Variants in CELF4 observed in about 807,000 individuals in gnomAD.
CELF4 encodes CUG-BP- and ETR-3-like factor 4.
A neutral mutation model predicts 59.9 loss-of-function variants in CELF4; 18 were observed. The observed-to-expected ratio is 0.30, with a 90% CI of 0.21 to 0.45. The LOEUF (loss-of-function observed/expected upper bound fraction) is 0.45, where lower values mean the gene tolerates loss of function less well. CELF4 is among the 20% of genes least tolerant of loss of function. The pLI is 1.00. For synonymous variants in CELF4, 261 were observed against 267.1 expected (o/e 0.98, Z 0.22); for missense variants, 456 against 689.0 (o/e 0.66, Z 3.79).
chr18:37,427,041 G>GC lies in CELF4; in HGVS notation c.369+58483_369+58484insG, dbSNP rs1454011102. Reference sequence around the variant, plus strand: ...GTGCTGGCAGCAGCAGGGACACGGGGGGGGGGGAAGCTGGGCACCCTGGGT... The same window carrying GC: ...GTGCTGGCAGCAGCAGGGACACGGGGCGGGGGGGAAGCTGGGCACCCTGGGT... On this transcript the variant is annotated intron_variant, in intron 2 of 12. Transcript: ENST00000420428. 6.8e-4 allele frequency among the ~76,000 whole-genome samples: 103 copies of GC among 151,424 alleles called. 1 individual carries two copies. The highest frequency in any genetic ancestry group is 2.1e-3 in the African/African-American group (86 of 41,400).
chr18:37,246,868 T>A lies in CELF4; in HGVS notation c.*45-1671A>T, dbSNP rs1210960057. The A allele has an allele frequency of 6.6e-6, 1 of 152,206 alleles. No homozygotes were observed. Among genetic ancestry groups the A allele is most frequent in the Admixed American group, 6.5e-5 (1 of 15,290 alleles). The allele number at this position is 152,206 out of a possible 1,614,324, so 9.4% of individuals were successfully genotyped here. On this transcript the variant is annotated intron_variant, in intron 12 of 12. Transcript: ENST00000420428. The surrounding 1 kb of genome is among the most constrained non-coding windows in gnomAD (Gnocchi z 5.3). ...CTATTTTTTGTTCTTTTGTTTTGTT[T>A]TTTTCTCTATGTGACATCTAGAGAA... is the stretch of plus-strand genomic sequence containing the variant.
At chr18:37,510,166 G>C (rs1006497873) in intron 1 of CELF4, among the ~76,000 whole-genome samples, 1 of 152,168 alleles carries the variant, frequency 6.6e-6, no homozygotes, top group Non-Finnish European at 1.5e-5. Context: ...GAGAAAAGAA[G>C]AGTAAAGAAA....
chr18:37,294,931 T>C (rs1243916258), intron 3 of CELF4, among the ~76,000 whole-genome samples: 1 of 152,230 alleles, frequency 6.6e-6, no homozygotes, highest in Non-Finnish European at 1.5e-5. Flanking sequence ...ATGCAGAAGG[T>C]AAACTTCTCT....
intron 1 of CELF4, among the ~76,000 whole-genome samples, chr18:37,534,535 C>T (rs912211816): frequency 6.6e-6 from 1 of 152,206 alleles, no homozygotes; most frequent in African/African-American, 2.4e-5. Context: ...CTTTCACTTA[C>T]AGAAACTGAT....
intron 2 of CELF4, 58 bp downstream of exon 2, chr18:37,485,467 C>T (rs1341592568): frequency 3.5e-6 from 4 of 1,139,080 alleles, no homozygotes; most frequent in Admixed American, 4.4e-5. Flanking sequence ...CGCCCGGCCT[C>T]CCGAAGTCGC....
intron 2 of CELF4, among the ~76,000 whole-genome samples, chr18:37,336,775 C>T (rs1474910107): frequency 2.6e-5 from 4 of 152,200 alleles, no homozygotes; most frequent in Admixed American, 6.5e-5. Flanking sequence ...ACGGTGGATG[C>T]GGCGTCTCTC....
intron 1 of CELF4, among the ~76,000 whole-genome samples, chr18:37,516,776 G>A (rs2099951081): frequency 6.6e-6 from 1 of 152,180 alleles, no homozygotes; most frequent in Admixed American, 6.5e-5. Flanking sequence ...CTTGGGCTTG[G>A]AGAGGGTGGC....
chr18:37,391,129 G>T (rs1292793140), intron 2 of CELF4, among the ~76,000 whole-genome samples: 1 of 152,068 alleles, frequency 6.6e-6, no homozygotes. Context: ...ACCCCCTGGG[G>T]AGGGGTCCCT....
intron 9 of CELF4, 96 bp from the exon 10 acceptor site, chr18:37,264,853 T>C: frequency 2.7e-6 from 3 of 1,113,604 alleles, no homozygotes; most frequent in Non-Finnish European, 3.9e-6. Context: ...TAAAAGCAGA[T>C]CAGCCAAAAA....
chr18:37,510,017 G>A (rs2099942451), intron 1 of CELF4, among the ~76,000 whole-genome samples: 1 of 152,148 alleles, frequency 6.6e-6, no homozygotes, highest in African/African-American at 2.4e-5. Context: ...GGTAGGAATG[G>A]GGTATAACTG....
intron 2 of CELF4, among the ~76,000 whole-genome samples, chr18:37,398,591 C>T (rs2099275282): frequency 6.6e-6 from 1 of 152,138 alleles, no homozygotes; most frequent in South Asian, 2.1e-4. Context: ...GGCTGCAGCC[C>T]ATCCCTCCAT....
At chr18:37,536,793 G>A (rs551054241) in intron 1 of CELF4, among the ~76,000 whole-genome samples, 4 of 152,214 alleles carry the variant, frequency 2.6e-5, no homozygotes, top group East Asian at 3.9e-4. Context: ...GTGTGCAGGC[G>A]GCCCAGGCTT....
intron 1 of CELF4, among the ~76,000 whole-genome samples, chr18:37,528,155 T>C (rs1036621989): frequency 3.9e-5 from 6 of 152,192 alleles, no homozygotes. Context: ...CTGGCAAATA[T>C]TAAGCATTTT....
intron 9 of CELF4, among the ~76,000 whole-genome samples, chr18:37,265,219 A>G (rs1397051486): frequency 6.6e-6 from 1 of 151,664 alleles, no homozygotes; most frequent in Non-Finnish European, 1.5e-5. Flanking sequence ...ACGTGTGTGT[A>G]CGTGTGTGCG....
At chr18:37,271,773 C>T (rs2091409956) in intron 7 of CELF4, among the ~76,000 whole-genome samples, 1 of 152,200 alleles carries the variant, frequency 6.6e-6, no homozygotes, top group Non-Finnish European at 1.5e-5. Flanking sequence ...ACACCTTGGC[C>T]TCCTCCACTT....
chr18:37,324,940 T>G (rs529223292), intron 2 of CELF4, among the ~76,000 whole-genome samples: 1 of 152,302 alleles, frequency 6.6e-6, no homozygotes, highest in South Asian at 2.1e-4. Context: ...TCCTGACATC[T>G]GCCTACTCAT....
At chr18:37,444,097 G>A (rs1339378693) in intron 2 of CELF4, among the ~76,000 whole-genome samples, 2 of 152,126 alleles carry the variant, frequency 1.3e-5, no homozygotes, top group Non-Finnish European at 2.9e-5. Flanking sequence ...TGGGGTTGCT[G>A]TGCTGATTAA....
intron 2 of CELF4, among the ~76,000 whole-genome samples, chr18:37,394,962 C>T (rs987692541): frequency 7.2e-6 from 1 of 139,442 alleles, no homozygotes; most frequent in East Asian, 2.5e-4. Context: ...ACCCCCCACC[C>T]GGCCTCCACT....
At chr18:37,525,062 G>T (rs1353599587) in intron 1 of CELF4, among the ~76,000 whole-genome samples, 1 of 152,086 alleles carries the variant, frequency 6.6e-6, no homozygotes, top group Non-Finnish European at 1.5e-5. Context: ...CTCTTGCTTG[G>T]CCAGCCGACC....
Sources: allele counts gnomAD v4.1 joint callset (sites outside exome capture counted in the v4.1 genomes callset), GRCh38; gene constraint gnomAD v4.1.1; non-coding constraint Gnocchi (gnomAD v3.1); transcripts MANE v1.5; gene names NCBI Gene and HGNC (gene_info 2026-07-23, HGNC 2026-07-21).